Variants in EML5 observed in about 807,000 individuals in gnomAD.
EML5 encodes EMAP like 5, also known as echinoderm microtubule-associated protein-like 5.
Under a neutral mutation model 250.0 loss-of-function variants are expected in EML5, and 120 were observed. The ratio of observed to expected loss-of-function variants is 0.48; its 90% CI spans 0.41 to 0.56. The LOEUF is 0.56. Among genes scored for constraint, EML5 ranks in the 20% least tolerant of loss-of-function variants. EML5 has a pLI of 0.00. For synonymous variants in EML5, 771 were observed against 806.5 expected (o/e 0.96, Z 0.75); for missense variants, 2,006 against 2,437.6 (o/e 0.82, Z 3.73).
chr14:88,765,450 A>G (rs935829371), intron 1 of EML5, among the ~76,000 whole-genome samples: 6 of 152,062 alleles, frequency 3.9e-5, no homozygotes, highest in South Asian at 2.1e-4. Context: ...CCATCTTCCA[A>G]TCAGCAACGG....
At chr14:88,728,487 A>G (rs1187764158) in intron 7 of EML5, among the ~76,000 whole-genome samples, 1 of 152,216 alleles carries the variant, frequency 6.6e-6, no homozygotes, top group African/African-American at 2.4e-5. Context: ...AATACTGTAT[A>G]CCTACAATAA....
chr14:88,760,703 G>A (rs980830306), intron 1 of EML5, among the ~76,000 whole-genome samples: 6 of 151,998 alleles, frequency 3.9e-5, no homozygotes, highest in Admixed American at 3.3e-4. Context: ...ATCTTGTTGG[G>A]ATTATGATTA....
At chr14:88,760,589 G>T (rs2094225629) in intron 1 of EML5, among the ~76,000 whole-genome samples, 1 of 152,018 alleles carries the variant, frequency 6.6e-6, no homozygotes, top group Non-Finnish European at 1.5e-5. Flanking sequence ...CCTTAAAATT[G>T]AATACTGTGA....
intron 18 of EML5, among the ~76,000 whole-genome samples, chr14:88,687,726 T>C (rs1267201340): frequency 1.3e-5 from 2 of 151,694 alleles, no homozygotes; most frequent in African/African-American, 2.4e-5. Context: ...TGACACATAG[T>C]ATGAGCTTAA....
intron 8 of EML5, among the ~76,000 whole-genome samples, chr14:88,720,665 T>C (rs941259911): frequency 2.6e-5 from 4 of 152,118 alleles, no homozygotes; most frequent in South Asian, 2.1e-4. Flanking sequence ...CCACAGCCAA[T>C]ATCATACTGA....
chr14:88,721,534 T>C (rs2093589377), intron 8 of EML5, among the ~76,000 whole-genome samples: 1 of 152,170 alleles, frequency 6.6e-6, no homozygotes, highest in African/African-American at 2.4e-5. Context: ...TCCTATTCAA[T>C]AAATGGTGCT....
chr14:88,763,529 A>G (rs1254968489), intron 1 of EML5, among the ~76,000 whole-genome samples: 1 of 152,154 alleles, frequency 6.6e-6, no homozygotes, highest in Non-Finnish European at 1.5e-5. Context: ...TACCAACCAA[A>G]AAAAAGCCCA....
At chr14:88,743,555 C>T (rs1386598832) in intron 4 of EML5, among the ~76,000 whole-genome samples, 3 of 152,032 alleles carry the variant, frequency 2.0e-5, no homozygotes, top group African/African-American at 7.2e-5. Context: ...AGGATGGTAA[C>T]AGCAGTCACA....
intron 33 of EML5, among the ~76,000 whole-genome samples, chr14:88,629,840 A>G (rs752072716): frequency 3.9e-5 from 6 of 152,008 alleles, no homozygotes; most frequent in Non-Finnish European, 8.8e-5. Context: ...TTTTCCCCAC[A>G]TGTAGCTCCC....
chr14:88,620,925 T>A lies in EML5; in HGVS notation c.5204A>T (p.Lys1735Met), dbSNP rs2088783806. ...TVRLWDIADKKMLNKVNLGHA... is the reference protein window; with the variant it reads ...TVRLWDIADKMMLNKVNLGHA... ...TCCCAAATTCACTTTGTTTAACATC[T>A]TCTGCATTTAAAAAAAAAAAAAAAA... Residue 1735 changes from lysine (K) to methionine (M), a missense_variant and splice_region_variant, in exon 39 of 44, where the codon AAG (lysine) becomes ATG (methionine). By Grantham distance (95) the Lys-to-Met change is moderately conservative. Coordinates refer to ENST00000554922, the MANE Select transcript of EML5 (RefSeq NM_183387.3). This position sits in a 1 kb window ranked among gnomAD's most constrained non-coding sequence, Gnocchi z 4.3. 3.4e-6 allele frequency: 5 copies of A among 1,470,882 alleles called. No individual in the cohort carries two copies. The highest frequency in any genetic ancestry group is 1.8e-4 in the Middle Eastern group (1 of 5,642). The allele number at this position is 1,470,882 out of a possible 1,614,324, so 91.1% of individuals were successfully genotyped here.
chr14:88,730,557 A>G (rs545569129), intron 7 of EML5, among the ~76,000 whole-genome samples: 11 of 152,352 alleles, frequency 7.2e-5, no homozygotes, highest in Non-Finnish European at 1.3e-4. Context: ...TGGGAACACT[A>G]CCAATAATTA....
rs2094618059 is a variant in EML5, at chr14:88,792,273, C to T, written c.197+34G>A. On this transcript the variant is annotated intron_variant, in intron 1 of 43. Transcript: ENST00000554922. The surrounding 1 kb of genome is among the most constrained non-coding windows in gnomAD (Gnocchi z 6.9). The stretch of plus-strand genomic sequence containing the variant: ...GGGTGCAAACTCCGGGAGCGGCTTG[C>T]AGGGTGACGGCGGCGGCCCCCGCTC... 14 of 1,541,360 alleles carry T rather than the reference C, an allele frequency of 9.1e-6. No homozygotes were observed. Among genetic ancestry groups the T allele is most frequent in the Middle Eastern group, 2.3e-4 (1 of 4,354 alleles).
chr14:88,633,436 A>G (rs2090549581), intron 33 of EML5, among the ~76,000 whole-genome samples: 1 of 152,088 alleles, frequency 6.6e-6, no homozygotes. Flanking sequence ...TTTGATTACA[A>G]TACAATCCAT....
chr14:88,778,982 T>C (rs951517619), intron 1 of EML5, among the ~76,000 whole-genome samples: 2 of 152,232 alleles, frequency 1.3e-5, no homozygotes, highest in Non-Finnish European at 2.9e-5. Context: ...GAAACTTCCA[T>C]GCTAAAGCAT....
chr14:88,748,434 T>C (rs1258437540), intron 2 of EML5, among the ~76,000 whole-genome samples: 1 of 152,204 alleles, frequency 6.6e-6, no homozygotes, highest in Non-Finnish European at 1.5e-5. Flanking sequence ...AGTGAAATTA[T>C]ACCAGTAATT....
rs1337117801 is a variant in EML5, at chr14:88,663,037, G to A, written c.3492C>T (p.Ser1164=). ...APRGKKQTIP[S]VEVEKIAWAS... ...AGCACCACTGTTGTCCTACCTCCAC[G>A]CTGGGGATGGTTTGTTTTTTCCCTC... Residue 1164 remains serine (S), a synonymous_variant, in exon 24 of 44, where the codon AGC becomes AGT. Transcript: ENST00000554922. The A allele has an allele frequency of 1.9e-6, 3 of 1,550,500 alleles. No individual in the cohort carries two copies. Among genetic ancestry groups the A allele is most frequent in the Non-Finnish European group, 2.6e-6 (3 of 1,146,296 alleles).
At chr14:88,778,034 T>C (rs2094463607) in intron 1 of EML5, among the ~76,000 whole-genome samples, 1 of 152,236 alleles carries the variant, frequency 6.6e-6, no homozygotes, top group African/African-American at 2.4e-5. Context: ...AGTTTTTGTT[T>C]TCTCTTTGTT....
chr14:88,662,222 C>T (rs1212956678), intron 24 of EML5, among the ~76,000 whole-genome samples: 1 of 151,374 alleles, frequency 6.6e-6, no homozygotes, highest in Admixed American at 6.6e-5. Flanking sequence ...TATGGTCTCT[C>T]CCTTCATTAA....
intron 20 of EML5, 141 bp from the exon 21 acceptor site, chr14:88,682,172 C>G: frequency 1.1e-6 from 1 of 883,154 alleles, no homozygotes; most frequent in Admixed American, 3.7e-5. Flanking sequence ...CAAAACTTTT[C>G]TGTTTATCTT....
Sources: allele counts gnomAD v4.1 joint callset (sites outside exome capture counted in the v4.1 genomes callset), GRCh38; gene constraint gnomAD v4.1.1; non-coding constraint Gnocchi (gnomAD v3.1); transcripts MANE v1.5; gene names NCBI Gene and HGNC (gene_info 2026-07-23, HGNC 2026-07-21).